The following SPAG16 variants were observed in gnomAD, a reference collection of about 807,000 sequenced individuals.
The protein encoded by SPAG16 is sperm-associated antigen 16 protein.
Under a neutral mutation model 80.4 loss-of-function variants are expected in SPAG16, and 86 were observed. That is an observed-to-expected ratio of 1.07 (90% CI 0.90 to 1.28). SPAG16 has a LOEUF of 1.28. SPAG16 is among the 50% of genes most tolerant of loss of function. The probability of loss-of-function intolerance (pLI) is 0.00; values close to 1 mark genes in which losing one functional copy is unlikely to be tolerated. For missense variants in SPAG16, 870 were observed against 765.3 expected, an observed-to-expected ratio of 1.14 and a Z score of -1.61; for synonymous variants, 294 against 265.9, an observed-to-expected ratio of 1.11 and a Z score of -1.03.
At chr2:213,581,643 A>C (rs2060301464) in intron 10 of SPAG16, among the ~76,000 whole-genome samples, 1 of 152,152 alleles carries the variant, frequency 6.6e-6, no homozygotes, top group South Asian at 2.1e-4. Flanking sequence ...TCCCAGTACA[A>C]TTAGAGCCAG....
chr2:213,601,621 G>A (rs2061065218), intron 10 of SPAG16, among the ~76,000 whole-genome samples: 1 of 151,538 alleles, frequency 6.6e-6, no homozygotes, highest in African/African-American at 2.4e-5. Flanking sequence ...AAAGTCAGGT[G>A]CTGCATAAAA....
intron 7 of SPAG16, among the ~76,000 whole-genome samples, chr2:213,353,577 G>A (rs16850226): frequency 0.024 from 3,622 of 152,250 alleles, 62 homozygotes; most frequent in African/African-American, 0.039. Context: ...AGTATCCCTA[G>A]AGTATCTGGC....
At position 213,903,889 on chromosome 2, in the gene SPAG16, C is replaced by A. The variant is rs529824768; in HGVS notation, c.1215-26071C>A. 2.6e-5 allele frequency among the ~76,000 whole-genome samples: 4 copies of A among 152,214 alleles called. No individual in the cohort carries two copies. In the South Asian group the frequency reaches 8.3e-4, roughly 32 times the overall value. ...AATCATCTCTCTCAAGTTCAAAGTT[C>A]CACACATCTCTAGGGCAGGGGCAAA... On this transcript the variant is annotated intron_variant, in intron 11 of 15. Coordinates refer to ENST00000331683, the MANE Select transcript of SPAG16 (RefSeq NM_024532.5).
chr2:213,775,367 T>C (rs1333826563), intron 10 of SPAG16, among the ~76,000 whole-genome samples: 2 of 152,218 alleles, frequency 1.3e-5, no homozygotes, highest in African/African-American at 2.4e-5. Flanking sequence ...TTTGAAGATA[T>C]GCATATAGCT....
chr2:213,897,307 G>C (rs2077034222), intron 11 of SPAG16, among the ~76,000 whole-genome samples: 1 of 151,948 alleles, frequency 6.6e-6, no homozygotes, highest in South Asian at 2.1e-4. Flanking sequence ...GTTTATTTTG[G>C]AATATCAATA....
intron 13 of SPAG16, among the ~76,000 whole-genome samples, chr2:214,090,101 C>T (rs1433028496): frequency 6.6e-6 from 1 of 151,568 alleles, no homozygotes; most frequent in East Asian, 1.9e-4. Flanking sequence ...TAATAAAATA[C>T]TCATCTATAT....
intron 11 of SPAG16, among the ~76,000 whole-genome samples, chr2:213,895,823 T>C (rs1217836072): frequency 1.3e-5 from 2 of 152,048 alleles, no homozygotes; most frequent in Non-Finnish European, 2.9e-5. Context: ...ACTATGAAAC[T>C]GCTAGAAGAA....
At chr2:214,366,757 G>A (rs1296934036) in intron 15 of SPAG16, among the ~76,000 whole-genome samples, 1 of 152,028 alleles carries the variant, frequency 6.6e-6, no homozygotes, top group Non-Finnish European at 1.5e-5. Flanking sequence ...TACACAAAGA[G>A]AAAGTAATGG....
intron 12 of SPAG16, among the ~76,000 whole-genome samples, chr2:213,983,745 A>G (rs1380982846): frequency 1.3e-5 from 2 of 152,020 alleles, no homozygotes; most frequent in African/African-American, 2.4e-5. Context: ...TTTCAACATT[A>G]TGTATTGTGT....
At chr2:213,929,891 T>C in intron 11 of SPAG16, 69 bp from the exon 12 acceptor site, 1 of 1,369,826 alleles carries the variant, frequency 7.3e-7, no homozygotes, top group Non-Finnish European at 1.0e-6. Context: ...AAATTACTCA[T>C]AGAATGCAGT....
chr2:213,391,506 A>C (rs2067749961), intron 9 of SPAG16, among the ~76,000 whole-genome samples: 2 of 152,144 alleles, frequency 1.3e-5, no homozygotes, highest in Non-Finnish European at 2.9e-5. Flanking sequence ...ACATGGGCAC[A>C]TTACCTAATT....
At chr2:214,332,593 T>C (rs1696999522) in intron 15 of SPAG16, among the ~76,000 whole-genome samples, 2 of 152,238 alleles carry the variant, frequency 1.3e-5, no homozygotes, top group Admixed American at 1.3e-4. Context: ...CCACATCTGA[T>C]ACCTCAGAAG....
chr2:213,667,933 C>CTATTTATTTATTTATTTATTTATT (rs368610907), intron 10 of SPAG16, among the ~76,000 whole-genome samples: 8 of 150,500 alleles, frequency 5.3e-5, no homozygotes, highest in African/African-American at 2.0e-4. Flanking sequence ...AAAAATTCTA[C>CTATTTATTTATTTATTTATTTATT]TATTTATTTA....
intron 15 of SPAG16, among the ~76,000 whole-genome samples, chr2:214,292,694 T>G (rs534012898): frequency 6.6e-6 from 1 of 152,332 alleles, no homozygotes; most frequent in Non-Finnish European, 1.5e-5. Context: ...ATTATATTTT[T>G]GGGAGGTGTC....
At chr2:213,525,718 TC>T (rs1335540318) in intron 10 of SPAG16, among the ~76,000 whole-genome samples, 3 of 152,112 alleles carry the variant, frequency 2.0e-5, no homozygotes, top group African/African-American at 4.8e-5. Flanking sequence ...CATCACTTCT[TC>T]TCCACACTTG....
At chr2:214,200,437 C>A (rs933885456) in intron 15 of SPAG16, among the ~76,000 whole-genome samples, 8 of 152,124 alleles carry the variant, frequency 5.3e-5, no homozygotes, top group Admixed American at 4.6e-4. Flanking sequence ...ATATGAGACC[C>A]ACTTGATCAT....
chr2:213,325,754 TG>T (rs1157300622), intron 5 of SPAG16, among the ~76,000 whole-genome samples: 9 of 151,892 alleles, frequency 5.9e-5, no homozygotes, highest in Non-Finnish European at 1.3e-4. Context: ...TTTATATTTA[TG>T]AAGGAGCTTG....
At chr2:214,406,424 T>C (rs1478206453) in intron 15 of SPAG16, among the ~76,000 whole-genome samples, 1 of 152,138 alleles carries the variant, frequency 6.6e-6, no homozygotes, top group Non-Finnish European at 1.5e-5. Context: ...CAGATAAAAT[T>C]TTACCACTCA....
intron 10 of SPAG16, among the ~76,000 whole-genome samples, chr2:213,701,385 G>A (rs923313698): frequency 6.6e-5 from 10 of 152,106 alleles, no homozygotes; most frequent in South Asian, 4.2e-4. Context: ...CAATGATAAC[G>A]AGAGGTGCCA....
Sources: allele counts gnomAD v4.1 joint callset (sites outside exome capture counted in the v4.1 genomes callset), GRCh38; gene constraint gnomAD v4.1.1; transcripts MANE v1.5; gene names NCBI Gene and HGNC (gene_info 2026-07-23, HGNC 2026-07-21).